Variants in DOK7 observed in about 807,000 individuals in gnomAD.
The protein encoded by DOK7 is protein Dok-7.
DOK7 carries 32 observed loss-of-function variants against 30.7 expected under a neutral mutation model. The ratio of observed to expected loss-of-function variants is 1.04; its 90% confidence interval spans 0.79 to 1.40. The LOEUF is 1.40. Among genes scored for constraint, DOK7 ranks in the 40% most tolerant of loss-of-function variants. DOK7 has a pLI of 0.00. For synonymous variants in DOK7, 447 were observed against 324.1 expected (o/e 1.38, Z -4.07); for missense variants, 1,007 against 699.2 (o/e 1.44, Z -4.97).
intron 2 of DOK7, among the ~76,000 whole-genome samples, chr4:3,468,468 G>A (rs1726468448): frequency 6.6e-6 from 1 of 150,922 alleles, no homozygotes; most frequent in Admixed American, 6.6e-5. Flanking sequence ...GTGCATGTAT[G>A]TGTGCCTCTG....
At chr4:3,491,147 T>C in intron 6 of DOK7, among the ~76,000 whole-genome samples, 1 of 99,312 alleles carries the variant, frequency 1.0e-5, no homozygotes, top group Non-Finnish European at 1.9e-5. Context: ...TTCCCCCCAT[T>C]CCTTCCTTCC....
downstream of DOK7, among the ~76,000 whole-genome samples, chr4:3,499,450 A>G (rs371278693): frequency 1.6e-4 from 24 of 152,320 alleles, no homozygotes; most frequent in East Asian, 2.7e-3. Context: ...TCCTTCCTGT[A>G]GAACCTGGGT....
In DOK7 at chr4:3,487,224, G is replaced by A. The variant is rs572371891; in HGVS notation, c.652+1566G>A. On this transcript the variant is annotated intron_variant, in intron 5 of 6. Transcript: ENST00000340083. ...GGTGTGTGGGGGCCTCAGGCCACCC[G>A]GAGGTGGGTTGAGCTGGGACACTAT... Among the ~76,000 whole-genome samples the A allele has an allele frequency of 3.3e-3, 283 of 85,048 alleles. 1 individual carries two copies. Among genetic ancestry groups the A allele is most frequent in the Admixed American group, 6.4e-3 (42 of 6,512 alleles). 55.8% of individuals were successfully genotyped at this position (85,048 alleles called of 152,430 possible).
rs142458636 is a variant in DOK7, at chr4:3,485,176, C to T, written c.533-363C>T. Among the ~76,000 whole-genome samples the T allele has an allele frequency of 5.4e-3, 818 of 152,278 alleles. 12 individuals carry two copies. Among genetic ancestry groups the T allele is most frequent in the African/African-American group, 0.019 (786 of 41,564 alleles). On this transcript the variant is annotated intron_variant, in intron 4 of 6. Transcript: ENST00000340083. ...CGGAAGGCAGGTATGTGGGCGGGGG[C>T]ACCCATCTGTCCAGGGCAGGGCACC...
At chr4:3,500,939 C>T (rs1480882810) in exon 8 of DOK7, 3 of 1,407,652 alleles carry the variant, frequency 2.1e-6, no homozygotes, top group Admixed American at 2.9e-5. Context: ...CTCCCAGTCG[C>T]AGGAGCAGGC....
intron 6 of DOK7, among the ~76,000 whole-genome samples, chr4:3,490,467 C>CTTCTCCCTCTGCTCATTCATTCCT (rs1728245767): frequency 8.7e-6 from 1 of 115,582 alleles, no homozygotes; most frequent in East Asian, 2.9e-4. Context: ...TCATTCCTTT[C>CTTCTCCCTCTGCTCATTCATTCCT]TTCTCCCTCT....
intron 4 of DOK7, among the ~76,000 whole-genome samples, chr4:3,481,724 C>T (rs145465496): frequency 6.6e-6 from 1 of 152,208 alleles, no homozygotes; most frequent in Non-Finnish European, 1.5e-5. Context: ...GGATTATGAG[C>T]ACTTAAGATT....
downstream of DOK7, chr4:3,494,507 A>C (rs1380756864): frequency 1.0e-6 from 1 of 985,460 alleles, no homozygotes; most frequent in African/African-American, 1.7e-5. Context: ...TCCGTTGCCC[A>C]GCCCTCTCCG....
At chr4:3,492,097 A>C (rs1188185130) in intron 6 of DOK7, among the ~76,000 whole-genome samples, 1 of 152,200 alleles carries the variant, frequency 6.6e-6, no homozygotes, top group Non-Finnish European at 1.5e-5. Flanking sequence ...CAGAGCAGGC[A>C]GCTTAGAGAC....
At chr4:3,489,013 C>T (rs552983467) in intron 5 of DOK7, among the ~76,000 whole-genome samples, 60 of 152,292 alleles carry the variant, frequency 3.9e-4, no homozygotes, top group African/African-American at 1.4e-3. Context: ...AGTGAGAGGT[C>T]CCACCCTGCC....
intron 2 of DOK7, among the ~76,000 whole-genome samples, chr4:3,469,142 T>C (rs1449084429): frequency 6.6e-6 from 1 of 150,488 alleles, no homozygotes; most frequent in African/African-American, 2.5e-5. Context: ...TGTGCGTGTA[T>C]GTGTCTGTGT....
At chr4:3,469,602 T>C (rs1726635967) in intron 2 of DOK7, among the ~76,000 whole-genome samples, 1 of 152,044 alleles carries the variant, frequency 6.6e-6, no homozygotes, top group East Asian at 1.9e-4. Context: ...AGCTGGCCAG[T>C]GGCCATCCAC....
chr4:3,473,611 C>A lies in DOK7; in HGVS notation c.306C>A (p.Ala102=). ...ACGAGGCCATGTGTGCGTGGGATGCCCGGATCCGCTATGCGCTCGGCGAGG... is the reference window on the plus strand; with the variant it reads ...ACGAGGCCATGTGTGCGTGGGATGCACGGATCCGCTATGCGCTCGGCGAGG... ...DSHEAMCAWD[A]RIRYALGEVH... Residue 102 remains alanine (A), a synonymous_variant, in exon 3 of 7, where the codon GCC becomes GCA. Coordinates refer to ENST00000340083, the MANE Select transcript of DOK7 (RefSeq NM_173660.5). 6.3e-7 allele frequency: 1 copy of A among 1,596,704 alleles called. No individual in the cohort carries two copies. Among genetic ancestry groups the A allele is most frequent in the Non-Finnish European group, 8.5e-7 (1 of 1,170,714 alleles).
intron 2 of DOK7, among the ~76,000 whole-genome samples, chr4:3,468,149 T>C (rs1726425864): frequency 6.6e-6 from 1 of 152,040 alleles, no homozygotes; most frequent in Non-Finnish European, 1.5e-5. Flanking sequence ...CAGGTGTGTA[T>C]GCAAGTGTGT....
chr4:3,464,158 G>A (rs2109313849), intron 2 of DOK7, among the ~76,000 whole-genome samples: 2 of 152,306 alleles, frequency 1.3e-5, no homozygotes, highest in Admixed American at 1.3e-4. Flanking sequence ...GGCCTGTAGG[G>A]AGGGCTGAGC....
intron 2 of DOK7, among the ~76,000 whole-genome samples, chr4:3,470,992 G>C (rs1422104745): frequency 6.6e-6 from 1 of 152,258 alleles, no homozygotes; most frequent in Non-Finnish European, 1.5e-5. Flanking sequence ...GTCCCTGCCT[G>C]ACTTCTGGGT....
Position 3,485,372 on chromosome 4 carries a change from A to G in DOK7, c.533-167A>G, listed in dbSNP as rs28706421. 0.18 allele frequency: 170,041 copies of G among 939,390 alleles called. 18,761 individuals carry two copies. Among genetic ancestry groups the G allele is most frequent in the African/African-American group, 0.46 (26,605 of 58,120 alleles). The allele number at this position is 939,390 out of a possible 1,614,324, so 58.2% of individuals were successfully genotyped here. A position where few individuals can be genotyped will look rare whatever the true frequency, so the allele number is the denominator to read the frequency against. On this transcript the variant is annotated intron_variant, in intron 4 of 6. Transcript: ENST00000340083. ...GTGTCGGCTCTGGGCACCCGGATTC[A>G]CGGGGCCAGGCGGGGTGTCGGCTCT...
intron 6 of DOK7, among the ~76,000 whole-genome samples, chr4:3,492,123 G>A (rs1728505969): frequency 6.6e-6 from 1 of 152,226 alleles, no homozygotes; most frequent in Non-Finnish European, 1.5e-5. Flanking sequence ...AGAGATGAAA[G>A]TGGCTTTCCC....
chr4:3,492,801 A>C lies in DOK7; in HGVS notation c.815A>C (p.His272Pro). The C allele has an allele frequency of 6.2e-7, 1 of 1,612,738 alleles. No homozygotes were observed. The highest frequency in any genetic ancestry group is 2.2e-5 in the East Asian group (1 of 44,878). Residue 272 changes from histidine to proline, a missense_variant, in exon 7 of 7, where the codon CAC becomes CCC. By Grantham distance (77) the His-to-Pro change is moderately conservative. Transcript: ENST00000340083. ...SLSSSSSEAS[H>P]LDVSASSRLT... Reference sequence around the variant, plus strand: ...TCCAGCTCATCCTCAGAGGCCAGTCACTTGGACGTCAGCGCCAGCAGCCGG... The same window carrying C: ...TCCAGCTCATCCTCAGAGGCCAGTCCCTTGGACGTCAGCGCCAGCAGCCGG...
Sources: gnomAD v4.1 joint callset for allele counts (sites outside exome capture counted in the v4.1 genomes callset) on GRCh38, gnomAD v4.1.1 for gene constraint, MANE v1.5 for transcripts, NCBI Gene and HGNC (gene_info 2026-07-23, HGNC 2026-07-21) for gene names.